The following PRR5 variants were observed in gnomAD, a reference collection of about 807,000 sequenced individuals.
The protein encoded by PRR5 is proline rich 5, also known as proline-rich protein 5.
Under a neutral mutation model 30.6 loss-of-function variants are expected in PRR5, and 25 were observed. The observed-to-expected ratio is 0.82, with a 90% CI of 0.60 to 1.14. The LOEUF is 1.14. PRR5 is among the 50% of genes most tolerant of loss of function. PRR5 has a pLI of 0.00. For synonymous variants in PRR5, 286 were observed against 247.1 expected, an observed-to-expected ratio of 1.16 and a Z score of -1.48; for missense variants, 600 against 547.1, an observed-to-expected ratio of 1.10 and a Z score of -0.96.
At chr22:44,719,508 C>A (rs1254239071) in intron 2 of PRR5, among the ~76,000 whole-genome samples, 1 of 152,178 alleles carries the variant, frequency 6.6e-6, no homozygotes, top group Non-Finnish European at 1.5e-5. Context: ...ATGTGACCCA[C>A]CCTCTTAGAC....
At position 44,728,971 on chromosome 22, in the gene PRR5, G is replaced by T. The variant is rs531264579; in HGVS notation, c.322+2337G>T. Among the ~76,000 whole-genome samples, 5 of 152,342 alleles carry T rather than the reference G, an allele frequency of 3.3e-5. No homozygotes were observed. The East Asian group carries it at 9.6e-4, about 29-fold the overall frequency. On this transcript the variant is annotated intron_variant, in intron 4 of 7. Coordinates refer to ENST00000336985, the MANE Select transcript of PRR5 (RefSeq NM_181333.4). ...GGAGGAAGACTGGACCGCGGCCGGG[G>T]TTGTAGTTTGATGGCCTGTGTGTGG...
chr22:44,713,102 CG>C (rs1437561555), intron 1 of PRR5, among the ~76,000 whole-genome samples: 1 of 152,116 alleles, frequency 6.6e-6, no homozygotes, highest in African/African-American at 2.4e-5. Context: ...TCAGGATGCC[CG>C]GGAGTGTGGG....
intron 1 of PRR5, among the ~76,000 whole-genome samples, chr22:44,694,671 C>G (rs1005170655): frequency 1.3e-5 from 2 of 152,158 alleles, no homozygotes; most frequent in African/African-American, 4.8e-5. Flanking sequence ...GTCACCTAAC[C>G]TTTCAGAGCC....
At chr22:44,730,879 G>A (rs957030099) in intron 4 of PRR5, 1 of 448,476 alleles carries the variant, frequency 2.2e-6, no homozygotes. Flanking sequence ...TTGGTGGGGG[G>A]TCGATCACCC....
chr22:44,675,492 C>A (rs1923687559), upstream of PRR5, among the ~76,000 whole-genome samples: 1 of 152,180 alleles, frequency 6.6e-6, no homozygotes, highest in African/African-American at 2.4e-5. Context: ...TCAGCAGCTG[C>A]ACAGTATCTG....
intron 1 of PRR5, among the ~76,000 whole-genome samples, chr22:44,713,430 G>C (rs1418499901): frequency 6.6e-6 from 1 of 152,030 alleles, no homozygotes; most frequent in Non-Finnish European, 1.5e-5. Flanking sequence ...GCAGGGTTTT[G>C]CCATGTTGGC....
At chr22:44,735,003 A>T in intron 6 of PRR5, 24 bp from the exon 7 acceptor site, 7 of 1,606,212 alleles carry the variant, frequency 4.4e-6, no homozygotes, top group Non-Finnish European at 6.0e-6. Context: ...ATGACCCCCT[A>T]CCCCCTGCCC....
At chr22:44,731,210 C>G in intron 4 of PRR5, 1 of 265,334 alleles carries the variant, frequency 3.8e-6, no homozygotes, top group Non-Finnish European at 7.5e-6. Flanking sequence ...GTGTAGGTCT[C>G]ACCTGTGCCA....
intron 4 of PRR5, chr22:44,729,867 C>A (rs962198065): frequency 2.0e-6 from 2 of 985,358 alleles, no homozygotes; most frequent in Non-Finnish European, 2.4e-6. Context: ...AGCCACCCCC[C>A]GGCCAGCCCG....
upstream of PRR5, among the ~76,000 whole-genome samples, chr22:44,674,494 G>A (rs951469500): frequency 4.0e-5 from 6 of 151,798 alleles, no homozygotes; most frequent in Admixed American, 6.6e-5. Context: ...AGGCTGAGGC[G>A]GGCGGATCAC....
intron 1 of PRR5, among the ~76,000 whole-genome samples, chr22:44,670,380 T>A (rs528342707): frequency 1.3e-5 from 2 of 152,194 alleles, no homozygotes; most frequent in East Asian, 3.9e-4. Context: ...TGAGTCAGGA[T>A]CCCAGCTCCA....
Position 44,735,203 on chromosome 22 carries a change from C to T in PRR5, c.691+41C>T, listed in dbSNP as rs1039454473. The T allele has an allele frequency of 1.0e-5, 16 of 1,581,302 alleles. No homozygotes were observed. The African/African-American group carries it at 2.0e-4, about 20-fold the overall frequency. On this transcript the variant is annotated intron_variant, in intron 7 of 7. Coordinates refer to ENST00000336985, the MANE Select transcript of PRR5 (RefSeq NM_181333.4). ...GGCCTTGGGCTGGGGCAGGGGTGACCACGGGCCCCATCCATTGTGAACAAA... is the reference window on the plus strand; with the variant it reads ...GGCCTTGGGCTGGGGCAGGGGTGACTACGGGCCCCATCCATTGTGAACAAA...
intron 2 of PRR5, among the ~76,000 whole-genome samples, chr22:44,722,520 T>C (rs1930093408): frequency 6.6e-6 from 1 of 152,230 alleles, no homozygotes; most frequent in Admixed American, 6.5e-5. Flanking sequence ...GCCACGTCTC[T>C]GGGCTTCACT....
At position 44,691,437 on chromosome 22, in the gene PRR5, C is replaced by T. The variant is rs999187140; in HGVS notation, c.-10-11055C>T. On this transcript the variant is annotated intron_variant, in intron 1 of 8. Transcript: ENST00000006251. The surrounding 1 kb of genome is among the most constrained non-coding windows in gnomAD (Gnocchi z 4.4). ...AGCGGTGGGGACCCTGCCCTAGACT[C>T]AGTGCCCCTGGCACGCCTGGAGCTG... Among the ~76,000 whole-genome samples, 1 of 152,166 alleles carries T rather than the reference C, an allele frequency of 6.6e-6. No individual in the cohort carries two copies. The highest frequency in any genetic ancestry group is 1.5e-5 in the Non-Finnish European group (1 of 68,030).
At chr22:44,702,760 T>G (rs1926543047) in intron 1 of PRR5, 152 bp downstream of exon 1, 1 of 1,166,288 alleles carries the variant, frequency 8.6e-7, no homozygotes, top group South Asian at 4.1e-5. Flanking sequence ...CCCGCCGGAG[T>G]GGTGCGGGCC....
At chr22:44,669,436 A>G (rs563941314) in intron 1 of PRR5, among the ~76,000 whole-genome samples, 2 of 152,232 alleles carry the variant, frequency 1.3e-5, no homozygotes, top group South Asian at 4.1e-4. Flanking sequence ...AGACCCCGGG[A>G]CAGAGACTCC....
At chr22:44,707,441 G>T (rs1398920782) in intron 1 of PRR5, among the ~76,000 whole-genome samples, 2 of 152,208 alleles carry the variant, frequency 1.3e-5, no homozygotes, top group African/African-American at 4.8e-5. Flanking sequence ...GCGGCCCGGT[G>T]ACCCCTGACT....
At chr22:44,685,801 G>A (rs750691445) in intron 1 of PRR5, among the ~76,000 whole-genome samples, 9 of 152,252 alleles carry the variant, frequency 5.9e-5, no homozygotes, top group Non-Finnish European at 1.2e-4. Flanking sequence ...AATCAAAGCC[G>A]AGATACGTGA....
At position 44,689,919 on chromosome 22, in the gene PRR5, G is replaced by T. The variant is rs561673610; in HGVS notation, c.-10-12573G>T. ...CCGCCTCGGCTTCCCAAAGTGCTGG[G>T]ATTACAGGCGTGAGCCATCATACCC... On this transcript the variant is annotated intron_variant, in intron 1 of 8. Transcript: ENST00000006251. 4.8e-4 allele frequency among the ~76,000 whole-genome samples: 73 copies of T among 152,326 alleles called. 1 individual carries two copies. Among genetic ancestry groups the T allele is most frequent in the African/African-American group, 1.7e-3 (70 of 41,578 alleles).
Sources: gnomAD v4.1 joint callset for allele counts (sites outside exome capture counted in the v4.1 genomes callset) on GRCh38, gnomAD v4.1.1 for gene constraint, Gnocchi (gnomAD v3.1) non-coding constraint, MANE v1.5 for transcripts, NCBI Gene and HGNC (gene_info 2026-07-23, HGNC 2026-07-21) for gene names.